The following OPHN1 variants were observed in gnomAD, a reference collection of about 807,000 sequenced individuals.
OPHN1 encodes the protein oligophrenin-1.
OPHN1 carries 11 observed loss-of-function variants against 60.7 expected under a neutral mutation model. The ratio of observed to expected loss-of-function variants is 0.18; its 90% CI spans 0.11 to 0.30. OPHN1 has a LOEUF of 0.30. Ranked by LOEUF, OPHN1 falls within the 10% of genes least tolerant of loss-of-function variation. The probability of loss-of-function intolerance (pLI) is 1.00; values close to 1 mark genes in which losing one functional copy is unlikely to be tolerated. For missense variants in OPHN1, 449 were observed against 611.0 expected, an observed-to-expected ratio of 0.73 and a Z score of 2.80; for synonymous variants, 226 against 222.6, an observed-to-expected ratio of 1.02 and a Z score of -0.14.
chrX:68,319,291 C>T (rs1032310612), intron 2 of OPHN1, among the ~76,000 whole-genome samples: 6 of 112,102 alleles, frequency 5.4e-5, no homozygotes, highest in Admixed American at 9.5e-5. Context: ...CAACTTAAAC[C>T]TCATACCTTA....
chrX:68,217,807 G>C (rs1211913238), intron 6 of OPHN1, among the ~76,000 whole-genome samples: 3 of 95,202 alleles, frequency 3.2e-5, no homozygotes, highest in African/African-American at 6.8e-5. Flanking sequence ...ACCAAAAGTA[G>C]ATAAAACCAC....
intron 3 of OPHN1, among the ~76,000 whole-genome samples, chrX:68,283,915 A>G (rs1489878877): frequency 8.9e-6 from 1 of 112,065 alleles, no homozygotes; most frequent in Non-Finnish European, 1.9e-5. Context: ...CAAGGCAATG[A>G]CATTTCTTTC....
intron 3 of OPHN1, among the ~76,000 whole-genome samples, chrX:68,296,862 A>AC (rs1158531721): frequency 1.1e-4 from 12 of 109,629 alleles, no homozygotes; most frequent in African/African-American, 4.0e-4. Flanking sequence ...AGCCCCACAG[A>AC]CCCCCACAGG....
At chrX:68,410,388 C>T (rs2078763360) in intron 2 of OPHN1, among the ~76,000 whole-genome samples, 2 of 110,239 alleles carry the variant, frequency 1.8e-5, no homozygotes, top group Admixed American at 2.0e-4. Flanking sequence ...GGCAGAAGGC[C>T]GAAGAGCAAA....
At chrX:68,340,457 A>G (rs764189843) in intron 2 of OPHN1, among the ~76,000 whole-genome samples, 49 of 112,177 alleles carry the variant, frequency 4.4e-4, no homozygotes, top group Admixed American at 3.8e-4. Flanking sequence ...AATTCAGTGG[A>G]GAGAGAACAC....
intron 15 of OPHN1, among the ~76,000 whole-genome samples, chrX:68,119,898 T>C (rs1490950232): frequency 2.7e-5 from 3 of 111,357 alleles, no homozygotes; most frequent in Admixed American, 9.5e-5. Flanking sequence ...GAAAGATAAG[T>C]AGTCATTTAA....
intron 19 of OPHN1, among the ~76,000 whole-genome samples, chrX:68,082,610 G>A (rs963491131): frequency 8.9e-6 from 1 of 112,220 alleles, no homozygotes; most frequent in East Asian, 2.8e-4. Context: ...CTCAAGAGTG[G>A]GCTTAAAATA....
Position 68,137,915 on chromosome X carries a change from G to GAC in OPHN1, c.1277-18585_1277-18584dup, listed in dbSNP as rs199804543. On this transcript the variant is annotated intron_variant, in intron 15 of 24. Coordinates refer to ENST00000355520, the MANE Select transcript of OPHN1 (RefSeq NM_002547.3). ...CCTTCTATGTCAGATCTAAGGAGGA[G>GAC]ACACACACACAATATTATTTTTTTT... is the stretch of plus-strand genomic sequence containing the variant. 4.2e-3 allele frequency among the ~76,000 whole-genome samples: 470 copies of GAC among 111,593 alleles called. 1 individual carries two copies. The highest frequency in any genetic ancestry group is 0.014 in the Middle Eastern group (3 of 213).
intron 12 of OPHN1, among the ~76,000 whole-genome samples, chrX:68,196,255 A>C: frequency 8.9e-6 from 1 of 112,512 alleles, no homozygotes; most frequent in Non-Finnish European, 1.9e-5. Context: ...CAGCAAAGAA[A>C]TAAGACTGTA....
chrX:68,423,794 G>T (rs992338256), intron 2 of OPHN1, among the ~76,000 whole-genome samples: 7 of 111,944 alleles, frequency 6.3e-5, no homozygotes, highest in Admixed American at 1.9e-4. Context: ...TCCATTGTAT[G>T]TCTATACTAC....
intron 24 of OPHN1, among the ~76,000 whole-genome samples, chrX:68,048,087 T>C (rs1432726271): frequency 8.9e-6 from 1 of 111,874 alleles, no homozygotes; most frequent in Non-Finnish European, 1.9e-5. Context: ...ACTGGGAAAC[T>C]GAGGCTCAGA....
At chrX:68,201,533 T>C in intron 11 of OPHN1, 86 bp downstream of exon 11, 1 of 727,745 alleles carries the variant, frequency 1.4e-6, no homozygotes, top group Non-Finnish European at 2.2e-6. Context: ...GTCATCAACG[T>C]GGGATGACGG....
chrX:68,247,939 C>G (rs867493179), intron 5 of OPHN1, among the ~76,000 whole-genome samples: 2 of 110,775 alleles, frequency 1.8e-5, no homozygotes, highest in Admixed American at 1.9e-4. Context: ...AGCAAGATGT[C>G]GAAATAGAAG....
chrX:68,321,370 C>T (rs946322550), intron 2 of OPHN1, among the ~76,000 whole-genome samples: 1 of 112,200 alleles, frequency 8.9e-6, no homozygotes, highest in African/African-American at 3.2e-5. Context: ...AGTCCCTACT[C>T]TCTACCCCTT....
intron 15 of OPHN1, among the ~76,000 whole-genome samples, chrX:68,190,973 C>T (rs1180728738): frequency 8.9e-6 from 1 of 112,047 alleles, no homozygotes; most frequent in Non-Finnish European, 1.9e-5. Context: ...ACCACACCTG[C>T]TATGACTGAG....
chrX:68,339,452 T>A (rs73212882), intron 2 of OPHN1, among the ~76,000 whole-genome samples: 1 of 110,969 alleles, frequency 9.0e-6, no homozygotes, highest in Non-Finnish European at 1.9e-5. Flanking sequence ...ACATGCAGAT[T>A]GGAAAGGAAG....
chrX:68,390,179 T>C lies in OPHN1; in HGVS notation c.154+42688A>G, dbSNP rs137906285. ...GGTCCCTCCAGTGACACATGGGGATTATGGGAACTATAATTCAAGATGATA... is the reference window on the plus strand; with the variant it reads ...GGTCCCTCCAGTGACACATGGGGATCATGGGAACTATAATTCAAGATGATA... On this transcript the variant is annotated intron_variant, in intron 2 of 24. Transcript: ENST00000355520. Among the ~76,000 whole-genome samples, 444 of 111,572 alleles carry C rather than the reference T, an allele frequency of 4.0e-3. 1 individual carries two copies. The highest frequency in any genetic ancestry group is 6.5e-3 in the Non-Finnish European group (344 of 53,121).
intron 5 of OPHN1, among the ~76,000 whole-genome samples, chrX:68,263,038 T>C (rs972756277): frequency 8.9e-5 from 10 of 112,134 alleles, no homozygotes; most frequent in South Asian, 3.7e-4. Flanking sequence ...ATAAAAGACA[T>C]GTTGCCCCCA....
At chrX:68,075,779 C>CAAAAAA (rs35536405) in intron 19 of OPHN1, among the ~76,000 whole-genome samples, 3 of 39,870 alleles carry the variant, frequency 7.5e-5, no homozygotes, top group African/African-American at 2.7e-4. Flanking sequence ...TATACATAGG[C>CAAAAAA]AAAAAAAAAA....
Sources: allele counts gnomAD v4.1 joint callset (sites outside exome capture counted in the v4.1 genomes callset), GRCh38; gene constraint gnomAD v4.1.1; transcripts MANE v1.5; gene names NCBI Gene and HGNC (gene_info 2026-07-23, HGNC 2026-07-21).